PTGER4: variants seen among roughly 807,000 people sequenced by gnomAD.
PTGER4 encodes the protein prostaglandin E receptor 4.
PTGER4 carries 11 observed loss-of-function variants against 33.2 expected under a neutral mutation model. The observed-to-expected ratio is 0.33, with a 90% CI of 0.21 to 0.55. The LOEUF is 0.55. Among genes scored for constraint, PTGER4 ranks in the 20% least tolerant of loss-of-function variants. PTGER4 has a pLI of 0.92. For missense variants in PTGER4, 481 were observed against 650.2 expected (o/e 0.74, Z 2.83); for synonymous variants, 275 against 281.5 (o/e 0.98, Z 0.23).
At chr5:40,726,003 T>A in the PTGER4 span, among the ~76,000 whole-genome samples, 746 of 151,764 alleles carry the variant, frequency 4.9e-3, 5 homozygotes, top group African/African-American at 0.017. Context: ...GCCAGGATGG[T>A]CTCAATCTCC....
the PTGER4 span, among the ~76,000 whole-genome samples, chr5:40,720,794 C>A: frequency 4.6e-5 from 7 of 152,198 alleles, no homozygotes; most frequent in Non-Finnish European, 1.0e-4. Flanking sequence ...TCACCAGAAT[C>A]CTACTCCCAG....
At chr5:40,708,990 T>C in the PTGER4 span, among the ~76,000 whole-genome samples, 2 of 152,206 alleles carry the variant, frequency 1.3e-5, no homozygotes, top group African/African-American at 4.8e-5. Context: ...CAGCACTTCA[T>C]GCTAAAAACT....
the PTGER4 span, among the ~76,000 whole-genome samples, chr5:40,734,181 T>G: frequency 1.3e-5 from 2 of 152,242 alleles, no homozygotes; most frequent in African/African-American, 4.8e-5. Context: ...TCTCTTTGGT[T>G]TACTTCTGTT....
At chr5:40,684,994 C>G (rs1741291338) in intron 2 of PTGER4, among the ~76,000 whole-genome samples, 1 of 152,146 alleles carries the variant, frequency 6.6e-6, no homozygotes, top group African/African-American at 2.4e-5. Flanking sequence ...TGATGAATTA[C>G]TAGTGCCTAA....
downstream of PTGER4, among the ~76,000 whole-genome samples, chr5:40,697,270 GAAAGAAAGAAAGAAAGAAAGAA>G (rs1379771380): frequency 1.6e-5 from 2 of 123,232 alleles, no homozygotes; most frequent in African/African-American, 2.7e-5. Context: ...AAGAAAGAAA[GAAAGAAAGAAAGAAAGAAAGAA>G]AGAAAAAGAA....
downstream of PTGER4, among the ~76,000 whole-genome samples, chr5:40,694,722 T>A (rs1741549803): frequency 6.6e-6 from 1 of 152,216 alleles, no homozygotes; most frequent in Non-Finnish European, 1.5e-5. Context: ...CCAAATATAG[T>A]CACAATGAGG....
the PTGER4 span, chr5:40,715,134 CCTA>C: frequency 4.3e-4 from 66 of 151,888 alleles, no homozygotes; most frequent in African/African-American, 1.5e-3. Flanking sequence ...TAATAACAGC[CCTA>C]CTTTTTTATT....
the PTGER4 span, among the ~76,000 whole-genome samples, chr5:40,719,733 T>C: frequency 2.0e-5 from 3 of 152,222 alleles, no homozygotes; most frequent in African/African-American, 4.8e-5. Context: ...TTTTTTATGA[T>C]AGTGAATGTG....
the PTGER4 span, among the ~76,000 whole-genome samples, chr5:40,717,205 G>A: frequency 2.4e-5 from 3 of 126,350 alleles, no homozygotes; most frequent in African/African-American, 8.5e-5. Context: ...CTCCAGCCTG[G>A]GCAAAAAGAG....
chr5:40,732,731 C>G, the PTGER4 span, among the ~76,000 whole-genome samples: 1 of 152,006 alleles, frequency 6.6e-6, no homozygotes, highest in Non-Finnish European at 1.5e-5. Flanking sequence ...GCCTCAGCCC[C>G]CCGAGTGGCT....
chr5:40,728,901 T>C, the PTGER4 span, among the ~76,000 whole-genome samples: 1 of 152,164 alleles, frequency 6.6e-6, no homozygotes, highest in Non-Finnish European at 1.5e-5. Context: ...TTATAAAAAG[T>C]ATTTAAAACA....
At chr5:40,726,955 G>C in the PTGER4 span, among the ~76,000 whole-genome samples, 1 of 152,062 alleles carries the variant, frequency 6.6e-6, no homozygotes, top group African/African-American at 2.4e-5. Context: ...GAGAGAAGTT[G>C]ACAGTGCTAA....
the PTGER4 span, among the ~76,000 whole-genome samples, chr5:40,735,466 C>A: frequency 6.6e-6 from 1 of 152,100 alleles, no homozygotes; most frequent in Non-Finnish European, 1.5e-5. Flanking sequence ...AGAAAGAAAT[C>A]CAGGATAATT....
At chr5:40,684,119 CA>C (rs1272818659) in intron 2 of PTGER4, among the ~76,000 whole-genome samples, 512 of 54,658 alleles carry the variant, frequency 9.4e-3, no homozygotes, top group African/African-American at 0.023. Context: ...TTATGCCACC[CA>C]CCCACCCCCC....
the PTGER4 span, among the ~76,000 whole-genome samples, chr5:40,732,898 G>A: frequency 2.0e-5 from 3 of 152,106 alleles, no homozygotes; most frequent in South Asian, 4.2e-4. Context: ...ATGAGCCACC[G>A]CGCCCGGCCT....
Position 40,681,209 on chromosome 5 carries a change from G to A in PTGER4, c.216G>A (p.Val72=). The change falls in exon 2 of 3, where the codon GTG becomes GTA. Residue 72 remains valine, a synonymous_variant. Transcript: ENST00000302472. This position sits in a 1 kb window ranked among gnomAD's most constrained non-coding sequence, Gnocchi z 9.8. ...AVTDLLGTLL[V]SPVTIATYMK... is the part of the protein sequence containing the mutation. ...CCGACCTGTTGGGCACTTTGTTGGT[G>A]AGCCCGGTGACCATCGCCACGTACA... is the stretch of plus-strand genomic sequence containing the variant. The A allele has an allele frequency of 6.2e-7, 1 of 1,614,164 alleles. No individual in the cohort carries two copies. Among genetic ancestry groups the A allele is most frequent in the Admixed American group, 1.7e-5 (1 of 60,030 alleles).
downstream of PTGER4, among the ~76,000 whole-genome samples, chr5:40,694,129 C>A (rs183654540): frequency 6.6e-6 from 1 of 152,264 alleles, no homozygotes; most frequent in Non-Finnish European, 1.5e-5. Context: ...CAGCTCACTG[C>A]AACCTCCACC....
chr5:40,692,417 TA>T lies in PTGER4; in HGVS notation c.*40del. On this transcript the variant is annotated 3_prime_UTR_variant, in exon 3 of 3. Coordinates refer to ENST00000302472, the MANE Select transcript of PTGER4 (RefSeq NM_000958.3). ...AAATACAGTACTGTTTCTGGACCCT[TA>T]TAAAATCCTGTGCAATAGACACATA... 2 of 1,528,726 alleles carry T rather than the reference TA, an allele frequency of 1.3e-6. No individual in the cohort carries two copies. The highest frequency in any genetic ancestry group is 1.8e-6 in the Non-Finnish European group (2 of 1,140,614). The allele number at this position is 1,528,726 out of a possible 1,614,324, so 94.7% of individuals were successfully genotyped here. A position where few individuals can be genotyped will look rare whatever the true frequency, so the allele number is the denominator to read the frequency against.
At chr5:40,744,543 A>G in the PTGER4 span, among the ~76,000 whole-genome samples, 1 of 143,744 alleles carries the variant, frequency 7.0e-6, no homozygotes, top group Non-Finnish European at 1.5e-5. Context: ...CTTAGTATTA[A>G]TTCATTTTCT....
Sources: allele counts gnomAD v4.1 joint callset (sites outside exome capture counted in the v4.1 genomes callset), GRCh38; gene constraint gnomAD v4.1.1; non-coding constraint Gnocchi (gnomAD v3.1); transcripts MANE v1.5; gene names NCBI Gene and HGNC (gene_info 2026-07-23, HGNC 2026-07-21).